Variants in SYNE1 observed in about 807,000 individuals in gnomAD.
The protein encoded by SYNE1 is nesprin-1.
A neutral mutation model predicts 1,111.0 loss-of-function variants in SYNE1; 616 were observed. The observed-to-expected ratio is 0.55, with a 90% CI of 0.52 to 0.59. The LOEUF (loss-of-function observed/expected upper bound fraction) is 0.59. SYNE1 is among the 20% of genes least tolerant of loss of function. The pLI is 0.00. For missense variants in SYNE1, 10,006 were observed against 10,417.0 expected (o/e 0.96, Z 1.72); for synonymous variants, 3,855 against 3,825.8 (o/e 1.01, Z -0.28).
intron 18 of SYNE1, chr6:152,464,993 G>A: frequency 2.0e-6 from 1 of 503,786 alleles, no homozygotes; most frequent in East Asian, 3.8e-5. Flanking sequence ...TGGGGCCCTA[G>A]ACACTCCCCT....
At chr6:152,167,796 C>G (rs758856023) in intron 130 of SYNE1, 1 of 582,544 alleles carries the variant, frequency 1.7e-6, no homozygotes, top group Admixed American at 1.9e-5. Flanking sequence ...TTTTCTGGAT[C>G]GCTTTCCTGT....
chr6:152,547,511 C>T (rs112098660), intron 3 of SYNE1, among the ~76,000 whole-genome samples: 7,312 of 152,244 alleles, frequency 0.048, 234 homozygotes, highest in Non-Finnish European at 0.065. Flanking sequence ...CTTCTTTTAG[C>T]TGAACATTAT....
rs796260764 is a variant in SYNE1, at chr6:152,179,673, C to CTTTTTTTTTTTTTTTTTT, written c.23460+445_23460+462dup. Among the ~76,000 whole-genome samples the CTTTTTTTTTTTTTTTTTT allele has an allele frequency of 3.3e-4, 18 of 55,104 alleles. 3 individuals carry two copies. The highest frequency in any genetic ancestry group is 1.3e-3 in the African/African-American group (17 of 12,812). The allele number at this position is 55,104 out of a possible 152,430, so 36.2% of individuals were successfully genotyped here. A position where few individuals can be genotyped will look rare whatever the true frequency, so the allele number is the denominator to read the frequency against. On this transcript the variant is annotated intron_variant, in intron 129 of 145. Transcript: ENST00000367255. ...GCAAGTTTATTTTATGCTGGATATC[C>CTTTTTTTTTTTTTTTTTT]TTTTTTTTTTTTTTTTTTTTTTTTT...
At position 152,471,694 on chromosome 6, in the gene SYNE1, A is replaced by T. The variant is rs2154279099; in HGVS notation, c.1535T>A (p.Leu512Gln). ...CTCTGCAAGAACCAGCAGTGAGAGC[A>T]GACGGTACTTTAATTCTAAAAATTC... ...KMEFLELKYR[L>Q]LSLLVLAESK... The change falls in exon 16 of 146, where the codon CTG becomes CAG. Residue 512 changes from leucine to glutamine, a missense_variant. Coordinates refer to ENST00000367255, the MANE Select transcript of SYNE1 (RefSeq NM_182961.4). 6.2e-7 allele frequency: 1 copy of T among 1,614,038 alleles called. No individual in the cohort carries two copies. The highest frequency in any genetic ancestry group is 2.2e-5 in the East Asian group (1 of 44,872).
rs1422618335 is a variant in SYNE1 at position 152,204,741 on chromosome 6, T to C, written c.23019+1427A>G. Among the ~76,000 whole-genome samples the C allele has an allele frequency of 2.6e-5, 4 of 152,174 alleles. No individual in the cohort carries two copies. The East Asian group carries it at 7.7e-4, about 29-fold the overall frequency. ...CCAAGTCCTTTTATGACGTGAATTA[T>C]AAGGAAATAACTTAATGTCATGAGC... is the stretch of plus-strand genomic sequence containing the variant. On this transcript the variant is annotated intron_variant, in intron 126 of 145. Coordinates refer to ENST00000367255, the MANE Select transcript of SYNE1 (RefSeq NM_182961.4).
chr6:152,313,011 G>C (rs1012776183), intron 87 of SYNE1, among the ~76,000 whole-genome samples: 6 of 152,128 alleles, frequency 3.9e-5, no homozygotes, highest in East Asian at 3.9e-4. Flanking sequence ...GACAAAGCAG[G>C]GTGTCCCCAA....
Position 152,353,298 on chromosome 6 carries a change from T to C in SYNE1, c.11218A>G (p.Thr3740Ala), listed in dbSNP as rs144797744. The change falls in exon 69 of 146, where the codon ACA (threonine) becomes GCA (alanine). Residue 3740 changes from threonine (T) to alanine (A), a missense_variant. Physicochemically the swap from Thr to Ala is moderately conservative, Grantham distance 58. Transcript: ENST00000367255. ...TTCAATTTCTTCCCCATCATTACTG[T>C]ATCTACTTTGTCAATCTTGGTAGCC... ...NVATKIDKVDTVMMGKKLKTL... is the reference protein window; with the variant it reads ...NVATKIDKVDAVMMGKKLKTL... The C allele has an allele frequency of 4.6e-4, 740 of 1,614,096 alleles. No individual in the cohort carries two copies. The highest frequency in any genetic ancestry group is 5.8e-4 in the Non-Finnish European group (690 of 1,180,054).
At position 152,376,173 on chromosome 6, in the gene SYNE1, A is replaced by T. The variant is rs2097277492; in HGVS notation, c.9324+208T>A. On this transcript the variant is annotated intron_variant, in intron 58 of 145. Coordinates refer to ENST00000367255, the MANE Select transcript of SYNE1 (RefSeq NM_182961.4). The stretch of plus-strand genomic sequence containing the variant: ...ACAATGGGGTTCAGGCTCCTATGAG[A>T]ATCTGATGCTACCGCTGATCTGACA... 5 of 566,214 alleles carry T rather than the reference A, an allele frequency of 8.8e-6. No homozygotes were observed. In the South Asian group the frequency reaches 9.8e-5, roughly 11 times the overall value. 35.1% of individuals were successfully genotyped at this position (566,214 alleles called of 1,614,324 possible).
intron 25 of SYNE1, among the ~76,000 whole-genome samples, chr6:152,453,095 A>C (rs572521470): frequency 9.2e-5 from 14 of 152,252 alleles, no homozygotes; most frequent in African/African-American, 3.4e-4. Flanking sequence ...TGAACTCTTA[A>C]GCTCTTGGGG....
At position 152,201,903 on chromosome 6, in the gene SYNE1, A is replaced by C. The variant is rs1563454836; in HGVS notation, c.23066T>G (p.Leu7689Arg). The change falls in exon 127 of 146, where the codon CTA (leucine) becomes CGA (arginine). Residue 7689 changes from leucine to arginine, a missense_variant. Transcript: ENST00000367255. Reference protein sequence around the residue: ...EKGIADSLEKLRTFKKKLSQS... With the variant: ...EKGIADSLEKRRTFKKKLSQS... ...CGAAAGCTTCTTTTTGAAAGTTCGT[A>C]GTTTCTCCAGGGAATCTGCTATTCC... 6.2e-7 allele frequency: 1 copy of C among 1,613,924 alleles called. No homozygotes were observed.
rs1294853185 is a variant in SYNE1, at chr6:152,200,666, A to G, written c.23145+1158T>C. Among the ~76,000 whole-genome samples, 4 of 152,170 alleles carry G rather than the reference A, an allele frequency of 2.6e-5. 1 individual carries two copies. The highest frequency in any genetic ancestry group is 2.6e-4 in the Admixed American group (4 of 15,270). On this transcript the variant is annotated intron_variant, in intron 127 of 145. Coordinates refer to ENST00000367255, the MANE Select transcript of SYNE1 (RefSeq NM_182961.4). Reference sequence around the variant, plus strand: ...TTGCCTTGGCCTCCAAAGTGCTGGGATTACAGGCATGATCCACCACACCCG... The same window carrying G: ...TTGCCTTGGCCTCCAAAGTGCTGGGGTTACAGGCATGATCCACCACACCCG...
In SYNE1 at chr6:152,318,267, G is replaced by A; in HGVS notation, c.16390-4C>T. 2 of 1,614,112 alleles carry A rather than the reference G, an allele frequency of 1.2e-6. No individual in the cohort carries two copies. The highest frequency in any genetic ancestry group is 1.7e-6 in the Non-Finnish European group (2 of 1,180,002). On this transcript the variant is annotated splice_polypyrimidine_tract_variant and splice_region_variant and intron_variant, in intron 85 of 145. Transcript: ENST00000367255. ...CATCTAATTCCTCTCCCAGCACCTT[G>A]ATGGTCACCAAAATGAAAGAACATT...
At chr6:152,207,428 C>T (rs569293757) in intron 125 of SYNE1, among the ~76,000 whole-genome samples, 4 of 152,264 alleles carry the variant, frequency 2.6e-5, no homozygotes, top group African/African-American at 9.6e-5. Flanking sequence ...AATGAGGGCT[C>T]TCAGAGAAAT....
chr6:152,516,694 T>G (rs1239181312), intron 6 of SYNE1, among the ~76,000 whole-genome samples: 4 of 152,168 alleles, frequency 2.6e-5, no homozygotes, highest in Admixed American at 2.6e-4. Context: ...TCCTCCCACC[T>G]CAGCCTCTCG....
intron 3 of SYNE1, among the ~76,000 whole-genome samples, chr6:152,548,355 G>C (rs960436664): frequency 8.5e-5 from 13 of 152,164 alleles, no homozygotes; most frequent in African/African-American, 3.1e-4. Context: ...AACATGCCTT[G>C]CCCCTGGACA....
At chr6:152,143,260 A>T (rs1438359421) in intron 138 of SYNE1, among the ~76,000 whole-genome samples, 1 of 152,238 alleles carries the variant, frequency 6.6e-6, no homozygotes, top group African/African-American at 2.4e-5. Context: ...GTAATCTATT[A>T]GCTAAAATCT....
Position 152,381,099 on chromosome 6 carries a change from G to C in SYNE1, c.8916C>G (p.Phe2972Leu). 6.2e-7 allele frequency: 1 copy of C among 1,614,198 alleles called. No individual in the cohort carries two copies. Among genetic ancestry groups the C allele is most frequent in the Non-Finnish European group, 8.5e-7 (1 of 1,180,030 alleles). Residue 2972 changes from phenylalanine to leucine, a missense_variant, in exon 56 of 146, where the codon TTC (phenylalanine) becomes TTG (leucine). This residue lies in a region of SYNE1 where 4,955 missense variants were observed against 5,017.2 expected (regional missense o/e 0.99). Coordinates refer to ENST00000367255, the MANE Select transcript of SYNE1 (RefSeq NM_182961.4). ...VAQLEQALEQ[F>L]SALLKTWAQQ... ...GAGCCCAGGTTTTCAGAAGGGCACT[G>C]AACTGTTCCAGGGCCTGCTCCAGTT... is the stretch of plus-strand genomic sequence containing the variant.
intron 91 of SYNE1, among the ~76,000 whole-genome samples, chr6:152,308,134 A>G (rs1361472964): frequency 6.6e-6 from 1 of 152,156 alleles, no homozygotes; most frequent in African/African-American, 2.4e-5. Flanking sequence ...ACAGAGATCA[A>G]TGCAGCAAAG....
At chr6:152,564,736 A>G (rs1442010765) in intron 3 of SYNE1, among the ~76,000 whole-genome samples, 3 of 152,200 alleles carry the variant, frequency 2.0e-5, no homozygotes, top group Non-Finnish European at 2.9e-5. Context: ...GTAGAGGCCA[A>G]AAGAAATATG....
Sources: gnomAD v4.1 joint callset for allele counts (sites outside exome capture counted in the v4.1 genomes callset) on GRCh38, gnomAD v4.1.1 for gene constraint, gnomAD v4.1.1 regional missense constraint, MANE v1.5 for transcripts, NCBI Gene and HGNC (gene_info 2026-07-23, HGNC 2026-07-21) for gene names.